Variants in TSNARE1 observed in about 807,000 individuals in gnomAD.
TSNARE1 encodes the protein t-SNARE domain-containing protein 1.
Under a neutral mutation model 62.0 loss-of-function variants are expected in TSNARE1, and 49 were observed. The observed-to-expected ratio is 0.79, with a 90% CI of 0.63 to 1.00. The LOEUF (loss-of-function observed/expected upper bound fraction) is 1.00. Ranked by LOEUF, TSNARE1 falls within the 50% of genes least tolerant of loss-of-function variation. The probability of loss-of-function intolerance (pLI) is 0.00; values close to 1 mark genes in which losing one functional copy is unlikely to be tolerated. For missense variants in TSNARE1, 755 were observed against 700.1 expected (o/e 1.08, Z -0.88); for synonymous variants, 328 against 294.4 (o/e 1.11, Z -1.17).
At chr8:142,253,246 TG>T (rs761023829) in intron 12 of TSNARE1, among the ~76,000 whole-genome samples, 35 of 152,292 alleles carry the variant, frequency 2.3e-4, no homozygotes, top group Non-Finnish European at 4.7e-4. Flanking sequence ...GTGACGGCGG[TG>T]CCTGCAGAAG....
chr8:142,262,514 G>A (rs562012096), intron 12 of TSNARE1, among the ~76,000 whole-genome samples: 50 of 152,144 alleles, frequency 3.3e-4, no homozygotes, highest in African/African-American at 5.1e-4. Flanking sequence ...GTGTGTACCC[G>A]CCCAAATCTC....
rs995949343 is a variant in TSNARE1, at chr8:142,319,359, C to T, written c.894-725G>A. Reference sequence around the variant, plus strand: ...CACCTCTGAGGGGCCCCGGGTGAGACGGTTCTCACACCCAGACCCAGGGAG... The same window carrying T: ...CACCTCTGAGGGGCCCCGGGTGAGATGGTTCTCACACCCAGACCCAGGGAG... On this transcript the variant is annotated intron_variant, in intron 6 of 13. Transcript: ENST00000524325. This position sits in a 1 kb window ranked among gnomAD's most constrained non-coding sequence, Gnocchi z 4.9. 6.6e-6 allele frequency among the ~76,000 whole-genome samples: 1 copy of T among 152,018 alleles called. No individual in the cohort carries two copies. The highest frequency in any genetic ancestry group is 1.5e-5 in the Non-Finnish European group (1 of 67,968).
chr8:142,247,335 A>G (rs1250328695), intron 12 of TSNARE1, among the ~76,000 whole-genome samples: 1 of 152,214 alleles, frequency 6.6e-6, no homozygotes, highest in Non-Finnish European at 1.5e-5. Context: ...CATGGAGTCA[A>G]AGAGATTATT....
intron 1 of TSNARE1, among the ~76,000 whole-genome samples, chr8:142,361,565 C>T (rs985285505): frequency 5.3e-5 from 8 of 152,214 alleles, no homozygotes; most frequent in Admixed American, 2.0e-4. Context: ...TGCCCACCTG[C>T]GGACCCAGTG....
intron 13 of TSNARE1, among the ~76,000 whole-genome samples, chr8:142,222,683 T>G (rs911952132): frequency 3.9e-5 from 1 of 25,954 alleles, no homozygotes. Context: ...CATCCACTCA[T>G]CCACTCACTC....
At chr8:142,245,638 G>T (rs528088343) in intron 12 of TSNARE1, among the ~76,000 whole-genome samples, 2 of 152,312 alleles carry the variant, frequency 1.3e-5, no homozygotes, top group African/African-American at 4.8e-5. Context: ...GTTTAGTAGT[G>T]AATACATCTT....
chr8:142,334,561 AT>A (rs1831499250), intron 4 of TSNARE1, among the ~76,000 whole-genome samples: 1 of 152,184 alleles, frequency 6.6e-6, no homozygotes, highest in Non-Finnish European at 1.5e-5. Context: ...AAGTACCCAA[AT>A]TTTATGAAAC....
In TSNARE1 at chr8:142,330,963, G is replaced by C; in HGVS notation, c.831C>G (p.Ser277=). The change falls in exon 6 of 14, where the codon TCC becomes TCG. Residue 277 remains serine (S), a synonymous_variant. Transcript: ENST00000524325. ...CTAAGGACTGAAGGCTCCGCTCCAA[G>C]GAGGTCACTGCCCGAGAGAAGAGGG... The part of the protein sequence containing the change: ...NVFRINSSVT[S]LERSLQSLGT... 1.9e-6 allele frequency: 3 copies of C among 1,613,998 alleles called. No homozygotes were observed. The highest frequency in any genetic ancestry group is 2.2e-5 in the South Asian group (2 of 91,082).
chr8:142,359,997 C>G (rs1047514101), intron 1 of TSNARE1, among the ~76,000 whole-genome samples: 1 of 152,214 alleles, frequency 6.6e-6, no homozygotes, highest in African/African-American at 2.4e-5. Context: ...CAGAAGTGAG[C>G]TGGGTGCAGG....
At chr8:142,363,972 T>A (rs1304896988) in intron 1 of TSNARE1, among the ~76,000 whole-genome samples, 1 of 152,160 alleles carries the variant, frequency 6.6e-6, no homozygotes, top group Non-Finnish European at 1.5e-5. Flanking sequence ...TGGTTCCAGG[T>A]GAGGAAGAAG....
chr8:142,222,013 TCACTCACTCATCCACTCACTCATC>T (rs1455658483), intron 13 of TSNARE1, among the ~76,000 whole-genome samples: 4 of 132,620 alleles, frequency 3.0e-5, no homozygotes, highest in African/African-American at 1.1e-4. Flanking sequence ...ATTCACTCAC[TCACTCACTCATCCACTCACTCATC>T]CACTCATCCA....
chr8:142,383,713 T>C (rs1018886677), intron 1 of TSNARE1, among the ~76,000 whole-genome samples: 33 of 152,206 alleles, frequency 2.2e-4, no homozygotes, highest in Non-Finnish European at 7.4e-5. Context: ...TTTTTCAATG[T>C]TCACAACCCT....
At chr8:142,275,723 G>A (rs1312767916) in intron 11 of TSNARE1, 1 of 985,320 alleles carries the variant, frequency 1.0e-6, no homozygotes, top group African/African-American at 1.7e-5. Context: ...GGAGGCAGGA[G>A]TATCTAAACA....
In TSNARE1 at chr8:142,398,821, TG is replaced by T. The variant is rs1429766339; in HGVS notation, c.-40+4282del. Among the ~76,000 whole-genome samples, 3 of 152,114 alleles carry T rather than the reference TG, an allele frequency of 2.0e-5. No individual in the cohort carries two copies. In the East Asian group the frequency reaches 5.8e-4, roughly 29 times the overall value. ...AGTAGACTGTCCTGCTTGCCTGCAG[TG>T]GCCCCCAAGTGGGTTCACATCCTAA... On this transcript the variant is annotated intron_variant, in intron 1 of 13. Coordinates refer to ENST00000524325, the MANE Select transcript of TSNARE1 (RefSeq NM_145003.5).
intron 1 of TSNARE1, among the ~76,000 whole-genome samples, chr8:142,362,108 G>A (rs935172953): frequency 1.3e-5 from 2 of 152,214 alleles, no homozygotes; most frequent in African/African-American, 4.8e-5. Flanking sequence ...CTCCTCTGCC[G>A]GGTGCGCAGC....
intron 12 of TSNARE1, among the ~76,000 whole-genome samples, chr8:142,230,788 CCATCCATCCATCCATCCACCCACT>C (rs1422680875): frequency 6.6e-6 from 1 of 151,636 alleles, no homozygotes; most frequent in African/African-American, 2.4e-5. Flanking sequence ...ATCCATCCAT[CCATCCATCCATCCATCCACCCACT>C]CATCCATCCA....
chr8:142,274,305 G>C, intron 12 of TSNARE1: 7 of 985,422 alleles, frequency 7.1e-6, no homozygotes, highest in Non-Finnish European at 8.4e-6. Context: ...AAGGCCCAGT[G>C]AGTGGCTAGT....
At chr8:142,258,202 C>T (rs900687913) in intron 12 of TSNARE1, among the ~76,000 whole-genome samples, 1 of 152,182 alleles carries the variant, frequency 6.6e-6, no homozygotes, top group East Asian at 1.9e-4. Context: ...ACACAGTACA[C>T]GAGTGCATAA....
At chr8:142,317,816 G>C (rs1322661161) in intron 7 of TSNARE1, among the ~76,000 whole-genome samples, 1 of 152,158 alleles carries the variant, frequency 6.6e-6, no homozygotes, top group Non-Finnish European at 1.5e-5. Flanking sequence ...AAATTAGCTG[G>C]GCATGGTGAC....
Sources: allele counts gnomAD v4.1 joint callset (sites outside exome capture counted in the v4.1 genomes callset), GRCh38; gene constraint gnomAD v4.1.1; non-coding constraint Gnocchi (gnomAD v3.1); transcripts MANE v1.5; gene names NCBI Gene and HGNC (gene_info 2026-07-23, HGNC 2026-07-21).